Variants in CRYBG3 observed in about 807,000 individuals in gnomAD.
CRYBG3 encodes very large A-kinase anchor protein.
A neutral mutation model predicts 244.2 loss-of-function variants in CRYBG3; 127 were observed. The observed-to-expected ratio is 0.52, with a 90% CI of 0.45 to 0.60. The LOEUF is 0.60. Ranked by LOEUF, CRYBG3 falls within the 20% of genes least tolerant of loss-of-function variation. The pLI is 0.00. For missense variants in CRYBG3, 3,325 were observed against 3,442.5 expected (o/e 0.97, Z 0.85); for synonymous variants, 1,132 against 1,195.8 (o/e 0.95, Z 1.10).
rs57065921 is a variant in CRYBG3 at position 97,853,406 on chromosome 3, TACACAC to T, written c.216+10172_216+10177del. ...CACACAGACACACACACACATACAA[TACACAC>T]ACACACACACACACACACACACACA... On this transcript the variant is annotated intron_variant, in intron 2 of 21. Transcript: ENST00000389622. Among the ~76,000 whole-genome samples the T allele has an allele frequency of 5.4e-3, 798 of 147,382 alleles. 1 individual carries two copies. Among genetic ancestry groups the T allele is most frequent in the Admixed American group, 7.3e-3 (108 of 14,766 alleles).
At chr3:97,925,202 A>T (rs1338975881) in intron 17 of CRYBG3, among the ~76,000 whole-genome samples, 1 of 152,110 alleles carries the variant, frequency 6.6e-6, no homozygotes, top group Non-Finnish European at 1.5e-5. Flanking sequence ...AACAGAGGAT[A>T]TAAATAGGCA....
At chr3:97,869,125 T>C (rs1171958509) in intron 3 of CRYBG3, among the ~76,000 whole-genome samples, 1 of 152,186 alleles carries the variant, frequency 6.6e-6, no homozygotes, top group Non-Finnish European at 1.5e-5. Flanking sequence ...ATAGCATTCA[T>C]TTACCTATTT....
intron 17 of CRYBG3, among the ~76,000 whole-genome samples, chr3:97,932,415 C>T (rs1204289592): frequency 2.0e-5 from 3 of 152,062 alleles, no homozygotes; most frequent in African/African-American, 7.2e-5. Flanking sequence ...AATCATTCCA[C>T]ACCCTTCACT....
intron 1 of CRYBG3, among the ~76,000 whole-genome samples, chr3:97,825,119 T>G (rs570920348): frequency 6.6e-6 from 1 of 152,318 alleles, no homozygotes; most frequent in East Asian, 1.9e-4. Flanking sequence ...TATACATTAA[T>G]GGGACAGAGT....
chr3:97,924,016 C>A (rs1911114), intron 17 of CRYBG3, among the ~76,000 whole-genome samples: 71,790 of 151,718 alleles, frequency 0.47, 17,488 homozygotes, highest in East Asian at 0.67. Flanking sequence ...TTAAGAACAA[C>A]ATGTAGGGTC....
At chr3:97,890,772 C>T (rs1199351044) in intron 10 of CRYBG3, among the ~76,000 whole-genome samples, 1 of 152,076 alleles carries the variant, frequency 6.6e-6, no homozygotes, top group East Asian at 1.9e-4. Context: ...GACATTTGTG[C>T]ACAAATTATT....
chr3:97,917,085 G>A (rs1455647190), intron 17 of CRYBG3, among the ~76,000 whole-genome samples: 1 of 152,028 alleles, frequency 6.6e-6, no homozygotes, highest in African/African-American at 2.4e-5. Flanking sequence ...ATCCTGAAAG[G>A]GTTTTGTACA....
chr3:97,871,099 G>A (rs528325796), intron 3 of CRYBG3, among the ~76,000 whole-genome samples: 2 of 152,254 alleles, frequency 1.3e-5, no homozygotes, highest in South Asian at 2.1e-4. Flanking sequence ...GTGAGAACTC[G>A]TAGTGGTAGA....
chr3:97,822,819 C>A (rs1039966330), intron 1 of CRYBG3, among the ~76,000 whole-genome samples: 1 of 152,206 alleles, frequency 6.6e-6, no homozygotes, highest in Admixed American at 6.5e-5. Flanking sequence ...GGGAGGAGAT[C>A]GGGGCAAAAG....
intron 15 of CRYBG3, among the ~76,000 whole-genome samples, chr3:97,910,594 T>G (rs831886): frequency 0.86 from 130,758 of 152,216 alleles, 56,585 homozygotes; most frequent in African/African-American, 0.96. Context: ...GCAATGCCTC[T>G]CCCTGCTTCG....
At chr3:97,843,914 T>C (rs890823747) in intron 2 of CRYBG3, among the ~76,000 whole-genome samples, 10 of 152,142 alleles carry the variant, frequency 6.6e-5, no homozygotes, top group African/African-American at 2.4e-4. Flanking sequence ...TTGGTAGCTA[T>C]CCCACAATCA....
chr3:97,935,580 C>T (rs1004079129), intron 18 of CRYBG3, among the ~76,000 whole-genome samples: 55 of 152,074 alleles, frequency 3.6e-4, no homozygotes, highest in African/African-American at 1.3e-3. Context: ...CCCTTCTCCC[C>T]ACAACTTATG....
intron 16 of CRYBG3, among the ~76,000 whole-genome samples, chr3:97,915,148 TATA>T (rs2039913495): frequency 2.6e-5 from 4 of 152,284 alleles, no homozygotes; most frequent in Admixed American, 2.0e-4. Flanking sequence ...AAAAAGAACT[TATA>T]ATCTGTTCAG....
intron 1 of CRYBG3, among the ~76,000 whole-genome samples, chr3:97,825,236 T>C (rs949399176): frequency 1.3e-5 from 2 of 152,232 alleles, no homozygotes; most frequent in African/African-American, 4.8e-5. Flanking sequence ...AAGCCTGTTA[T>C]ACAGATATTG....
intron 17 of CRYBG3, 77 bp downstream of exon 17, chr3:97,915,813 G>A: frequency 8.8e-7 from 1 of 1,142,062 alleles, no homozygotes; most frequent in Non-Finnish European, 1.2e-6. Flanking sequence ...ATAATGTGAA[G>A]TTGGAAGAAA....
chr3:97,831,284 G>T (rs568558421), intron 1 of CRYBG3, among the ~76,000 whole-genome samples: 1 of 152,296 alleles, frequency 6.6e-6, no homozygotes, highest in South Asian at 2.1e-4. Context: ...CTGTTGAGAT[G>T]TTATGACAGA....
rs187027117 is a variant in CRYBG3, at chr3:97,903,119, G to C, written c.8004+2634G>C. Among the ~76,000 whole-genome samples the C allele has an allele frequency of 1.3e-3, 202 of 152,212 alleles. 1 individual carries two copies. Among genetic ancestry groups the C allele is most frequent in the Non-Finnish European group, 1.2e-4 (8 of 67,996 alleles). The stretch of plus-strand genomic sequence containing the variant: ...GGATTTATTTAAACATTGAGCCCCT[G>C]TTCCATTTTATGCATGATTCTCACC... On this transcript the variant is annotated intron_variant, in intron 15 of 21. Transcript: ENST00000389622.
At position 97,896,096 on chromosome 3, in the gene CRYBG3, T is replaced by G; in HGVS notation, c.7701+11T>G. 6.3e-7 allele frequency: 1 copy of G among 1,590,524 alleles called. No homozygotes were observed. The highest frequency in any genetic ancestry group is 1.1e-5 in the South Asian group (1 of 87,224). On this transcript the variant is annotated intron_variant, in intron 12 of 21. Transcript: ENST00000389622. ...CGGTACTTACAAGCTGTGAGTTAGC[T>G]TCCTTATCCTTAATTTTCTACCTTT...
At chr3:97,942,513 G>A in intron 21 of CRYBG3, 70 bp downstream of exon 21, 4 of 1,364,224 alleles carry the variant, frequency 2.9e-6, no homozygotes, top group Middle Eastern at 2.6e-4. Flanking sequence ...CCTCATTTTG[G>A]GTAAAGGACA....
Sources: allele counts gnomAD v4.1 joint callset (sites outside exome capture counted in the v4.1 genomes callset), GRCh38; gene constraint gnomAD v4.1.1; transcripts MANE v1.5; gene names NCBI Gene and HGNC (gene_info 2026-07-23, HGNC 2026-07-21).